The following DOCK1 variants were observed in gnomAD, a reference collection of about 807,000 sequenced individuals.
DOCK1 encodes dedicator of cytokinesis 1.
Under a neutral mutation model 262.7 loss-of-function variants are expected in DOCK1, and 138 were observed. The ratio of observed to expected loss-of-function variants is 0.53; its 90% CI spans 0.46 to 0.61. The LOEUF (loss-of-function observed/expected upper bound fraction) is 0.61. Among genes scored for constraint, DOCK1 ranks in the 20% least tolerant of loss-of-function variants. DOCK1 has a pLI of 0.00. For synonymous variants in DOCK1, 866 were observed against 867.4 expected, an observed-to-expected ratio of 1.00 and a Z score of 0.03; for missense variants, 1,908 against 2,370.7, an observed-to-expected ratio of 0.80 and a Z score of 4.05.
At chr10:127,351,891 C>G (rs1292337775) in intron 31 of DOCK1, among the ~76,000 whole-genome samples, 1 of 151,974 alleles carries the variant, frequency 6.6e-6, no homozygotes, top group Non-Finnish European at 1.5e-5. Context: ...GCCGGCCCTT[C>G]CCCTCACAGC....
At chr10:127,258,243 A>G (rs923851791) in intron 29 of DOCK1, among the ~76,000 whole-genome samples, 12 of 152,146 alleles carry the variant, frequency 7.9e-5, no homozygotes, top group Admixed American at 6.5e-4. Context: ...GAGTGTTTCC[A>G]TCACCACAAA....
At chr10:126,948,766 G>A (rs979301445) in intron 1 of DOCK1, among the ~76,000 whole-genome samples, 7 of 152,146 alleles carry the variant, frequency 4.6e-5, no homozygotes, top group Non-Finnish European at 1.0e-4. Context: ...CCCCTCCCTG[G>A]AATCATTGTG....
At chr10:127,426,772 C>T (rs1275971305) in intron 47 of DOCK1, among the ~76,000 whole-genome samples, 1 of 152,102 alleles carries the variant, frequency 6.6e-6, no homozygotes, top group East Asian at 1.9e-4. Context: ...AGGCTCTGCT[C>T]GGGATGAAGG....
Position 127,120,219 on chromosome 10 carries a change from C to T in DOCK1, c.2624-5255C>T, listed in dbSNP as rs189760587. Among the ~76,000 whole-genome samples, 4 of 152,290 alleles carry T rather than the reference C, an allele frequency of 2.6e-5. No individual in the cohort carries two copies. The East Asian group carries it at 5.8e-4, about 22-fold the overall frequency. On this transcript the variant is annotated intron_variant, in intron 25 of 51. Transcript: ENST00000623213. ...GCACTGGCGGTCCTGGAGTCACGTACGTGTGACAGGGTGTCTGATAAGAGA... is the reference window on the plus strand; with the variant it reads ...GCACTGGCGGTCCTGGAGTCACGTATGTGTGACAGGGTGTCTGATAAGAGA...
intron 27 of DOCK1, among the ~76,000 whole-genome samples, chr10:127,240,040 C>T (rs183124086): frequency 3.9e-5 from 6 of 152,060 alleles, no homozygotes; most frequent in Non-Finnish European, 1.5e-5. Context: ...GTATATTTGT[C>T]CAATAAACAT....
chr10:127,404,295 C>G (rs762756476), intron 39 of DOCK1, 30 bp from the exon 40 acceptor site: 3 of 1,588,960 alleles, frequency 1.9e-6, no homozygotes, highest in East Asian at 4.5e-5. Flanking sequence ...AATACTCAAA[C>G]CTGAAATGCA....
Position 127,220,483 on chromosome 10 carries a change from G to A in DOCK1, c.2848-27525G>A, listed in dbSNP as rs545779144. Among the ~76,000 whole-genome samples, 210 of 152,040 alleles carry A rather than the reference G, an allele frequency of 1.4e-3. 1 individual carries two copies. Among genetic ancestry groups the A allele is most frequent in the African/African-American group, 4.5e-3 (187 of 41,474 alleles). On this transcript the variant is annotated intron_variant, in intron 27 of 51. Coordinates refer to ENST00000623213, the MANE Select transcript of DOCK1 (RefSeq NM_001290223.2). The stretch of plus-strand genomic sequence containing the variant: ...AATTTCAGGTAAAAAAAAAACTTAA[G>A]TCTATCCATGCAATATTTAGGATAT...
Position 127,215,635 on chromosome 10 carries a change from G to A in DOCK1, c.2848-32373G>A, listed in dbSNP as rs192984128. ...CTTTGATAATGCTTTTTGACTGATGGGCACTTTTTGTAACTAAATCCCATT... is the reference window on the plus strand; with the variant it reads ...CTTTGATAATGCTTTTTGACTGATGAGCACTTTTTGTAACTAAATCCCATT... On this transcript the variant is annotated intron_variant, in intron 27 of 51. Transcript: ENST00000623213. 2.7e-3 allele frequency among the ~76,000 whole-genome samples: 416 copies of A among 152,104 alleles called. 2 individuals carry two copies. The highest frequency in any genetic ancestry group is 9.6e-3 in the African/African-American group (398 of 41,470).
chr10:127,184,310 C>A (rs2056012644), intron 27 of DOCK1, among the ~76,000 whole-genome samples: 2 of 147,818 alleles, frequency 1.4e-5, no homozygotes, highest in South Asian at 4.2e-4. Flanking sequence ...TTGCTCAATT[C>A]ATTCCCCCCC....
intron 29 of DOCK1, among the ~76,000 whole-genome samples, chr10:127,260,200 C>T (rs2059972189): frequency 6.6e-6 from 1 of 152,184 alleles, no homozygotes; most frequent in Admixed American, 6.5e-5. Context: ...GGTACAGTGG[C>T]ATTTTGGACC....
chr10:126,916,606 C>T lies in DOCK1; in HGVS notation c.46+11043C>T, dbSNP rs192896264. Among the ~76,000 whole-genome samples the T allele has an allele frequency of 9.2e-5, 14 of 152,210 alleles. 1 individual carries two copies. The East Asian group carries it at 1.4e-3, about 15-fold the overall frequency. ...AGAAAAGTTAAAGAAGACTCTGCCT[C>T]GAAATAACTCATTTCTTCCCTCCCT... On this transcript the variant is annotated intron_variant, in intron 1 of 51. Transcript: ENST00000623213.
At chr10:127,424,550 A>T (rs1197591921) in intron 46 of DOCK1, among the ~76,000 whole-genome samples, 1 of 152,074 alleles carries the variant, frequency 6.6e-6, no homozygotes, top group Non-Finnish European at 1.5e-5. Flanking sequence ...CCAGAGAGAG[A>T]CCCAACACAT....
intron 25 of DOCK1, among the ~76,000 whole-genome samples, chr10:127,121,257 T>C (rs1222551173): frequency 1.3e-5 from 2 of 151,894 alleles, no homozygotes; most frequent in African/African-American, 4.8e-5. Flanking sequence ...GGTGGATTAT[T>C]TGTTGGCTTC....
chr10:127,327,502 C>G (rs1316617721), intron 29 of DOCK1, among the ~76,000 whole-genome samples: 1 of 152,198 alleles, frequency 6.6e-6, no homozygotes, highest in Non-Finnish European at 1.5e-5. Flanking sequence ...GAGTTTAGGG[C>G]CTTGCTCTCA....
intron 2 of DOCK1, among the ~76,000 whole-genome samples, chr10:126,971,213 G>A (rs1350237908): frequency 1.3e-5 from 2 of 151,766 alleles, no homozygotes; most frequent in Non-Finnish European, 2.9e-5. Context: ...ACCATGCCTG[G>A]CAAATTTTTT....
chr10:127,031,841 T>C, intron 17 of DOCK1, 88 bp downstream of exon 17: 1 of 1,186,286 alleles, frequency 8.4e-7, no homozygotes, highest in Non-Finnish European at 1.2e-6. Flanking sequence ...TTTCCCATCA[T>C]TGTGAGGAAG....
At chr10:127,303,981 G>A (rs1434643826) in intron 29 of DOCK1, among the ~76,000 whole-genome samples, 1 of 152,216 alleles carries the variant, frequency 6.6e-6, no homozygotes, top group Non-Finnish European at 1.5e-5. Context: ...ATTCCCTCTG[G>A]GCCCCAGGGA....
intron 32 of DOCK1, among the ~76,000 whole-genome samples, chr10:127,356,855 T>C (rs2064171743): frequency 6.6e-6 from 1 of 152,140 alleles, no homozygotes; most frequent in African/African-American, 2.4e-5. Context: ...GTCCATTTTC[T>C]TCTGTGTTGT....
chr10:127,278,089 A>G (rs1427859925), intron 29 of DOCK1, among the ~76,000 whole-genome samples: 1 of 152,188 alleles, frequency 6.6e-6, no homozygotes, highest in Non-Finnish European at 1.5e-5. Flanking sequence ...TGATCACATC[A>G]CTAGGGGAGC....
Sources: allele counts gnomAD v4.1 joint callset (sites outside exome capture counted in the v4.1 genomes callset), GRCh38; gene constraint gnomAD v4.1.1; transcripts MANE v1.5; gene names NCBI Gene and HGNC (gene_info 2026-07-23, HGNC 2026-07-21).